Variants in MAMDC2 observed in about 807,000 individuals in gnomAD.
The protein encoded by MAMDC2 is MAM domain-containing protein 2.
A neutral mutation model predicts 89.8 loss-of-function variants in MAMDC2; 57 were observed. That is an observed-to-expected ratio of 0.63 (90% CI 0.51 to 0.79). The LOEUF is 0.79. Ranked by LOEUF, MAMDC2 falls within the 30% of genes least tolerant of loss-of-function variation. The pLI is 0.00. For missense variants in MAMDC2, 800 were observed against 820.6 expected, an observed-to-expected ratio of 0.97 and a Z score of 0.31; for synonymous variants, 313 against 293.4, an observed-to-expected ratio of 1.07 and a Z score of -0.68.
intron 10 of MAMDC2, 98 bp downstream of exon 10, chr9:70,168,893 C>G (rs2032248805): frequency 9.5e-7 from 1 of 1,051,674 alleles, no homozygotes; most frequent in African/African-American, 1.6e-5. Flanking sequence ...GCTAGTCCAT[C>G]CTTTGCTTTT....
At chr9:70,191,689 G>A (rs2032884085) in intron 11 of MAMDC2, among the ~76,000 whole-genome samples, 1 of 152,054 alleles carries the variant, frequency 6.6e-6, no homozygotes, top group Non-Finnish European at 1.5e-5. Flanking sequence ...TTGTAGTTCT[G>A]TTTTGCTAGC....
chr9:70,094,904 T>A (rs947449373), intron 2 of MAMDC2, among the ~76,000 whole-genome samples: 6 of 152,196 alleles, frequency 3.9e-5, no homozygotes, highest in Admixed American at 1.3e-4. Context: ...AAAAGCAGTA[T>A]CTAAACAGGT....
intron 2 of MAMDC2, among the ~76,000 whole-genome samples, chr9:70,051,616 G>T (rs1170027603): frequency 2.0e-5 from 3 of 152,152 alleles, no homozygotes; most frequent in African/African-American, 7.2e-5. Flanking sequence ...ATTAGGTTTT[G>T]AAGAAGTTGA....
intron 2 of MAMDC2, among the ~76,000 whole-genome samples, chr9:70,051,208 A>T (rs1465814542): frequency 6.6e-6 from 1 of 152,088 alleles, no homozygotes; most frequent in Non-Finnish European, 1.5e-5. Context: ...CTAAGCCTCT[A>T]CTGGCTTCTG....
chr9:70,139,362 A>C (rs2031119841), intron 7 of MAMDC2, among the ~76,000 whole-genome samples: 1 of 143,570 alleles, frequency 7.0e-6, no homozygotes, highest in Non-Finnish European at 1.5e-5. Context: ...ATGAGTGAGA[A>C]CATGCGGTGT....
chr9:70,044,184 C>T lies in MAMDC2; in HGVS notation c.-14C>T, dbSNP rs778919962. 5.0e-6 allele frequency: 8 copies of T among 1,613,650 alleles called. No homozygotes were observed. The highest frequency in any genetic ancestry group is 6.8e-6 in the Non-Finnish European group (8 of 1,179,956). The stretch of plus-strand genomic sequence containing the variant: ...CTTGCACCCCTTCCTAGTCATCCTC[C>T]CTGAAACGCGACCATGCTGTTAAGG... On this transcript the variant is annotated 5_prime_UTR_variant, in exon 1 of 14. Coordinates refer to ENST00000377182, the MANE Select transcript of MAMDC2 (RefSeq NM_153267.5).
intron 2 of MAMDC2, chr9:70,087,014 T>C (rs562512114): frequency 6.6e-6 from 1 of 152,210 alleles, no homozygotes; most frequent in Admixed American, 6.5e-5. Flanking sequence ...AACTTTTTTT[T>C]CCAGATGGGG....
intron 2 of MAMDC2, chr9:70,079,337 G>A (rs1475923393): frequency 6.6e-6 from 1 of 152,148 alleles, no homozygotes; most frequent in Non-Finnish European, 1.5e-5. Flanking sequence ...TTCTGATGTT[G>A]AGACACAGAA....
At chr9:70,110,733 C>T (rs116754004) in intron 4 of MAMDC2, among the ~76,000 whole-genome samples, 140 of 152,170 alleles carry the variant, frequency 9.2e-4, no homozygotes, top group African/African-American at 3.3e-3. Flanking sequence ...CTCCAGCTGC[C>T]ACGTGGAAAA....
chr9:70,067,637 G>A (rs1475331771), intron 2 of MAMDC2, among the ~76,000 whole-genome samples: 1 of 152,134 alleles, frequency 6.6e-6, no homozygotes, highest in Non-Finnish European at 1.5e-5. Flanking sequence ...TGATCCTAGG[G>A]GCCAGTCATT....
In MAMDC2 at chr9:70,105,659, T is replaced by G. The variant is rs549683482; in HGVS notation, c.149-2552T>G. 2.0e-5 allele frequency among the ~76,000 whole-genome samples: 3 copies of G among 152,348 alleles called. No individual in the cohort carries two copies. The South Asian group carries it at 6.2e-4, about 32-fold the overall frequency. ...AAATCACTCAATGAATAGCACCGAC[T>G]TTCATCACACAGAATAAAATCTAGG... On this transcript the variant is annotated intron_variant, in intron 2 of 13. Coordinates refer to ENST00000377182, the MANE Select transcript of MAMDC2 (RefSeq NM_153267.5).
At chr9:70,078,013 C>T (rs1827571042) in intron 2 of MAMDC2, among the ~76,000 whole-genome samples, 2 of 123,470 alleles carry the variant, frequency 1.6e-5, no homozygotes, top group African/African-American at 7.4e-5. Flanking sequence ...AGAGACTTCA[C>T]TCTACCATTC....
intron 9 of MAMDC2, among the ~76,000 whole-genome samples, chr9:70,146,565 C>T (rs1249535068): frequency 6.6e-6 from 1 of 152,050 alleles, no homozygotes; most frequent in Non-Finnish European, 1.5e-5. Context: ...AATAAACATA[C>T]AAAAATATAT....
At chr9:70,115,459 A>G (rs539090223) in intron 5 of MAMDC2, among the ~76,000 whole-genome samples, 8 of 152,064 alleles carry the variant, frequency 5.3e-5, no homozygotes, top group East Asian at 1.9e-4. Flanking sequence ...GGTTCAAGCA[A>G]TTCTCCCTGC....
intron 2 of MAMDC2, among the ~76,000 whole-genome samples, chr9:70,056,607 C>T (rs974536946): frequency 3.9e-5 from 6 of 152,072 alleles, no homozygotes; most frequent in Non-Finnish European, 7.4e-5. Context: ...TGTATTGGCA[C>T]GCGGCGTGAT....
chr9:70,174,912 G>A (rs972902688), intron 11 of MAMDC2, among the ~76,000 whole-genome samples: 1 of 152,056 alleles, frequency 6.6e-6, no homozygotes, highest in African/African-American at 2.4e-5. Context: ...TTTTAGTAGA[G>A]ACAGGGTTTT....
chr9:70,047,071 T>A (rs1184449155), intron 2 of MAMDC2, among the ~76,000 whole-genome samples: 1 of 152,240 alleles, frequency 6.6e-6, no homozygotes, highest in Non-Finnish European at 1.5e-5. Flanking sequence ...CAAGCTTCTC[T>A]GCAAATGCAC....
chr9:70,044,521 TC>T, intron 1 of MAMDC2, 62 bp from the exon 2 acceptor site: 1 of 1,333,902 alleles, frequency 7.5e-7, no homozygotes, highest in Non-Finnish European at 1.0e-6. Context: ...CCCCTGGGGC[TC>T]CCCGAGTTGG....
At chr9:70,163,509 G>A (rs901383601) in intron 9 of MAMDC2, among the ~76,000 whole-genome samples, 1 of 152,122 alleles carries the variant, frequency 6.6e-6, no homozygotes, top group Admixed American at 6.5e-5. Context: ...TTATAGGCGT[G>A]AGCCACTGTG....
Sources: allele counts gnomAD v4.1 joint callset (sites outside exome capture counted in the v4.1 genomes callset), GRCh38; gene constraint gnomAD v4.1.1; transcripts MANE v1.5; gene names NCBI Gene and HGNC (gene_info 2026-07-23, HGNC 2026-07-21).